The following RUVBL2 variants were observed in gnomAD, a reference collection of about 807,000 sequenced individuals.
The protein encoded by RUVBL2 is RuvB like AAA ATPase 2, also known as ruvB-like 2.
A neutral mutation model predicts 57.9 loss-of-function variants in RUVBL2; 9 were observed. The observed-to-expected ratio is 0.16, with a 90% confidence interval of 0.09 to 0.27. The LOEUF is 0.27. Ranked by LOEUF, RUVBL2 falls within the 10% of genes least tolerant of loss-of-function variation. RUVBL2 has a pLI of 1.00. For missense variants in RUVBL2, 456 were observed against 669.6 expected (o/e 0.68, Z 3.52); for synonymous variants, 278 against 264.6 (o/e 1.05, Z -0.49).
chr19:49,003,189 AC>A, intron 2 of RUVBL2, 89 bp from the exon 3 acceptor site: 2 of 581,518 alleles, frequency 3.4e-6, no homozygotes, highest in Non-Finnish European at 6.6e-6. Context: ...CACCCCTTTG[AC>A]AAAGAAGGAA....
At chr19:48,994,015 G>A in intron 1 of RUVBL2, 92 bp downstream of exon 1, 2 of 1,516,132 alleles carry the variant, frequency 1.3e-6, no homozygotes, top group Non-Finnish European at 1.8e-6. Flanking sequence ...TGGGTCTGAG[G>A]GAGGGGGGAT....
chr19:49,005,407 T>C (rs1166650081), intron 4 of RUVBL2, among the ~76,000 whole-genome samples: 1 of 152,174 alleles, frequency 6.6e-6, no homozygotes, highest in Non-Finnish European at 1.5e-5. Flanking sequence ...AGGCGACATG[T>C]GTTACAATGC....
chr19:49,010,483 C>CCAACAACAAA lies in RUVBL2; in HGVS notation c.664-5_664-4insCAACAACAAA. On this transcript the variant is annotated splice_polypyrimidine_tract_variant and splice_region_variant and intron_variant, in intron 8 of 14. Coordinates refer to ENST00000595090, the MANE Select transcript of RUVBL2 (RefSeq NM_006666.3). ...CGCCGTTCTTCCCCCACCCCCGCCC[C>CCAACAACAAA]ATAGACCAAGTTCGTGCAGTGCCCA... 3 of 1,575,974 alleles carry CCAACAACAAA rather than the reference C, an allele frequency of 1.9e-6. No homozygotes were observed. The highest frequency in any genetic ancestry group is 2.6e-6 in the Non-Finnish European group (3 of 1,148,102).
chr19:49,000,741 T>A (rs2122591454), intron 2 of RUVBL2, among the ~76,000 whole-genome samples: 1 of 152,104 alleles, frequency 6.6e-6, no homozygotes, highest in African/African-American at 2.4e-5. Flanking sequence ...GGTGCATGCC[T>A]ATAGTCCCAG....
At chr19:49,009,276 C>G (rs1022555283) in intron 6 of RUVBL2, among the ~76,000 whole-genome samples, 2 of 147,596 alleles carry the variant, frequency 1.4e-5, no homozygotes, top group Non-Finnish European at 3.0e-5. Flanking sequence ...ATCACAAGGT[C>G]AGGAGATCGA....
rs1400047306 is a variant in RUVBL2 at position 49,011,729 on chromosome 19, G to A, written c.1001+419G>A. ...ACTCTTAGCGTTGTGTTTGGCCTAA[G>A]GATGCCAGGGACAGATTCCCATGAC... On this transcript the variant is annotated intron_variant, in intron 11 of 14. Coordinates refer to ENST00000595090, the MANE Select transcript of RUVBL2 (RefSeq NM_006666.3). The surrounding 1 kb of genome is among the most constrained non-coding windows in gnomAD (Gnocchi z 4.4). 2.0e-5 allele frequency among the ~76,000 whole-genome samples: 3 copies of A among 152,160 alleles called. No homozygotes were observed. The highest frequency in any genetic ancestry group is 4.4e-5 in the Non-Finnish European group (3 of 68,014).
chr19:49,015,201 C>A (rs1484641413), intron 13 of RUVBL2, 51 bp downstream of exon 13: 5 of 1,585,696 alleles, frequency 3.2e-6, no homozygotes, highest in African/African-American at 2.7e-5. Flanking sequence ...GTGAGTGACA[C>A]AGTACTTCAG....
At chr19:49,015,490 G>A (rs759984986) in intron 13 of RUVBL2, 82 bp from the exon 14 acceptor site, 192 of 1,075,854 alleles carry the variant, frequency 1.8e-4, no homozygotes, top group Admixed American at 3.1e-4. Context: ...GCTGCCTAGA[G>A]CATGGAGGTG....
intron 8 of RUVBL2, 106 bp downstream of exon 8, chr19:49,010,172 C>G (rs1568640077): frequency 5.7e-6 from 6 of 1,059,646 alleles, no homozygotes. Flanking sequence ...GTTACCCTGA[C>G]TGTTTGTCCT....
chr19:49,006,622 G>C (rs2039285868), intron 4 of RUVBL2, among the ~76,000 whole-genome samples: 1 of 152,250 alleles, frequency 6.6e-6, no homozygotes, highest in Admixed American at 6.5e-5. Context: ...AGCCGAGGCA[G>C]TCTGCCTTCA....
intron 11 of RUVBL2, among the ~76,000 whole-genome samples, chr19:49,013,572 T>A (rs919248371): frequency 6.6e-6 from 1 of 152,032 alleles, no homozygotes; most frequent in Non-Finnish European, 1.5e-5. Flanking sequence ...GAGCTCCATG[T>A]TAGAGAATAA....
chr19:49,005,675 G>A (rs568329074), intron 4 of RUVBL2, among the ~76,000 whole-genome samples: 26 of 148,208 alleles, frequency 1.8e-4, no homozygotes, highest in African/African-American at 5.2e-4. Context: ...TCACTCTGTC[G>A]CTCAGGCTGG....
intron 13 of RUVBL2, 21 bp from the exon 14 acceptor site, chr19:49,015,551 G>A (rs2039529973): frequency 1.3e-6 from 2 of 1,579,980 alleles, no homozygotes; most frequent in African/African-American, 1.3e-5. Flanking sequence ...GCCCAACTGA[G>A]GACTCGCCCT....
chr19:49,005,985 T>C (rs1422930921), intron 4 of RUVBL2, among the ~76,000 whole-genome samples: 1 of 152,238 alleles, frequency 6.6e-6, no homozygotes, highest in Non-Finnish European at 1.5e-5. Context: ...TTCCTCTTCT[T>C]GTGTCTCCCG....
In RUVBL2 at chr19:49,010,670, G is replaced by A. The variant is rs150569352; in HGVS notation, c.787+59G>A. On this transcript the variant is annotated intron_variant, in intron 9 of 14. Coordinates refer to ENST00000595090, the MANE Select transcript of RUVBL2 (RefSeq NM_006666.3). Reference sequence around the variant, plus strand: ...TGCCCCAGGCCTAGCAGCCTCCCTCGGGCTCCCTCTGTTCCTGAGCTCCGA... The same window carrying A: ...TGCCCCAGGCCTAGCAGCCTCCCTCAGGCTCCCTCTGTTCCTGAGCTCCGA... 3,827 of 1,601,738 alleles carry A rather than the reference G, an allele frequency of 2.4e-3. 15 individuals are homozygous for A. The highest frequency in any genetic ancestry group is 2.6e-3 in the Non-Finnish European group (3,006 of 1,174,374).
At chr19:49,010,390 TGGAGCTCCAGTCTCCCCCAGACAGA>T in intron 8 of RUVBL2, 73 bp from the exon 9 acceptor site, 3 of 1,227,636 alleles carry the variant, frequency 2.4e-6, no homozygotes, top group Non-Finnish European at 3.5e-6. Context: ...CTCCATTTCC[TGGAGCTCCAGTCTCCCCCAGACAGA>T]GGGCTTTAGG....
intron 8 of RUVBL2, 118 bp downstream of exon 8, chr19:49,010,184 G>C (rs1322224072): frequency 3.1e-6 from 3 of 968,286 alleles, no homozygotes; most frequent in Non-Finnish European, 3.2e-6. Flanking sequence ...GTTTGTCCTG[G>C]TACTCCTGGG....
intron 6 of RUVBL2, 96 bp from the exon 7 acceptor site, chr19:49,009,680 G>T: frequency 9.5e-7 from 1 of 1,048,440 alleles, no homozygotes; most frequent in Non-Finnish European, 1.5e-6. Flanking sequence ...TGGAAGCAGA[G>T]GCCAGAGCAG....
intron 2 of RUVBL2, among the ~76,000 whole-genome samples, chr19:49,000,799 C>T (rs1346486561): frequency 6.6e-6 from 1 of 151,970 alleles, no homozygotes; most frequent in Non-Finnish European, 1.5e-5. Context: ...TTGCAGTGAG[C>T]CAATATCGTG....
Sources: gnomAD v4.1 joint callset for allele counts (sites outside exome capture counted in the v4.1 genomes callset) on GRCh38, gnomAD v4.1.1 for gene constraint, Gnocchi (gnomAD v3.1) non-coding constraint, MANE v1.5 for transcripts, NCBI Gene and HGNC (gene_info 2026-07-23, HGNC 2026-07-21) for gene names.